MAGI2: variants seen among roughly 807,000 people sequenced by gnomAD.
The protein encoded by MAGI2 is membrane associated guanylate kinase, WW and PDZ domain containing 2, also known as membrane-associated guanylate kinase, WW and PDZ domain-containing protein 2.
In MAGI2, 35 loss-of-function variants were observed where a neutral mutation model predicts 133.3. The ratio of observed to expected loss-of-function variants is 0.26; its 90% CI spans 0.20 to 0.35. The LOEUF is 0.35. Ranked by LOEUF, MAGI2 falls within the 10% of genes least tolerant of loss-of-function variation. The probability of loss-of-function intolerance (pLI) is 1.00; values close to 1 mark genes in which losing one functional copy is unlikely to be tolerated. For missense variants in MAGI2, 1,636 were observed against 1,863.4 expected, an observed-to-expected ratio of 0.88 and a Z score of 2.25; for synonymous variants, 729 against 710.6, an observed-to-expected ratio of 1.03 and a Z score of -0.41.
chr7:79,177,867 C>T (rs1043234443), intron 1 of MAGI2, among the ~76,000 whole-genome samples: 6 of 152,024 alleles, frequency 3.9e-5, no homozygotes, highest in African/African-American at 1.5e-4. Context: ...AGGTCAGCCA[C>T]GTTTTGTAAT....
chr7:79,299,999 G>A (rs1163734780), intron 1 of MAGI2, among the ~76,000 whole-genome samples: 1 of 152,114 alleles, frequency 6.6e-6, no homozygotes, highest in Non-Finnish European at 1.5e-5. Flanking sequence ...CTGTCACTAT[G>A]CTTCCTATAT....
chr7:78,939,700 T>G (rs1190812267), intron 2 of MAGI2: 1 of 152,186 alleles, frequency 6.6e-6, no homozygotes, highest in Non-Finnish European at 1.5e-5. Context: ...GATGGGGATC[T>G]CTCAATGGGA....
At chr7:78,988,714 G>T (rs1419006882) in intron 2 of MAGI2, among the ~76,000 whole-genome samples, 1 of 152,050 alleles carries the variant, frequency 6.6e-6, no homozygotes, top group African/African-American at 2.4e-5. Flanking sequence ...AACCTCTATA[G>T]CCCCATAATT....
intron 1 of MAGI2, among the ~76,000 whole-genome samples, chr7:79,383,961 T>C (rs1843996120): frequency 6.6e-6 from 1 of 151,476 alleles, no homozygotes; most frequent in Non-Finnish European, 1.5e-5. Flanking sequence ...ATAAATGTTA[T>C]AAATATATTC....
chr7:78,795,777 C>T (rs938323460), intron 2 of MAGI2, among the ~76,000 whole-genome samples: 28 of 152,014 alleles, frequency 1.8e-4, no homozygotes, highest in African/African-American at 4.6e-4. Context: ...GGCATGGTAC[C>T]GGCATAAAAA....
chr7:79,142,438 G>C (rs1354452596), intron 1 of MAGI2, among the ~76,000 whole-genome samples: 1 of 152,138 alleles, frequency 6.6e-6, no homozygotes, highest in Non-Finnish European at 1.5e-5. Flanking sequence ...AGGAAAAAAT[G>C]CTTCTAAACT....
chr7:78,378,113 T>A (rs1794614199), intron 6 of MAGI2, among the ~76,000 whole-genome samples: 1 of 151,790 alleles, frequency 6.6e-6, no homozygotes, highest in Non-Finnish European at 1.5e-5. Context: ...TTTAAAAAAA[T>A]CTGAAATGAC....
At chr7:79,065,598 C>T (rs1814225607) in intron 1 of MAGI2, among the ~76,000 whole-genome samples, 1 of 152,046 alleles carries the variant, frequency 6.6e-6, no homozygotes, top group African/African-American at 2.4e-5. Flanking sequence ...TTTTCAGGTA[C>T]ATGTGCAGAA....
At chr7:79,004,386 A>G (rs1185380263) in intron 2 of MAGI2, among the ~76,000 whole-genome samples, 1 of 152,226 alleles carries the variant, frequency 6.6e-6, no homozygotes, top group Non-Finnish European at 1.5e-5. Flanking sequence ...GTTCTTACTC[A>G]TATGTTGGAG....
chr7:79,048,605 A>G (rs1812387539), intron 1 of MAGI2, among the ~76,000 whole-genome samples: 1 of 152,182 alleles, frequency 6.6e-6, no homozygotes, highest in East Asian at 1.9e-4. Context: ...GAAAAGCTCT[A>G]TGTTCTAATT....
intron 2 of MAGI2, among the ~76,000 whole-genome samples, chr7:78,861,259 A>G (rs577674859): frequency 3.9e-5 from 6 of 152,270 alleles, no homozygotes; most frequent in African/African-American, 1.4e-4. Flanking sequence ...CAGTGAGATG[A>G]ACCCAGTACC....
At chr7:79,224,816 G>C (rs1396483586) in intron 1 of MAGI2, among the ~76,000 whole-genome samples, 1 of 152,172 alleles carries the variant, frequency 6.6e-6, no homozygotes, top group African/African-American at 2.4e-5. Context: ...ACTGAGGTAG[G>C]GGTAGGGCAT....
At chr7:78,609,647 C>T (rs1244139192) in intron 3 of MAGI2, among the ~76,000 whole-genome samples, 2 of 152,136 alleles carry the variant, frequency 1.3e-5, no homozygotes, top group African/African-American at 4.8e-5. Flanking sequence ...TTCTACTACC[C>T]ACCCAAACCT....
chr7:79,373,155 G>T (rs1410421464), intron 1 of MAGI2, among the ~76,000 whole-genome samples: 1 of 151,946 alleles, frequency 6.6e-6, no homozygotes, highest in Non-Finnish European at 1.5e-5. Context: ...GGAACAATCT[G>T]CAGATATTAC....
intron 1 of MAGI2, among the ~76,000 whole-genome samples, chr7:79,094,220 A>C (rs1817329876): frequency 6.6e-6 from 1 of 152,186 alleles, no homozygotes; most frequent in Non-Finnish European, 1.5e-5. Flanking sequence ...AAAAATGTTC[A>C]CAGCATCTTC....
At chr7:79,246,035 C>T (rs1007351759) in intron 1 of MAGI2, among the ~76,000 whole-genome samples, 1 of 152,196 alleles carries the variant, frequency 6.6e-6, no homozygotes, top group African/African-American at 2.4e-5. Flanking sequence ...AGGGCAGTAA[C>T]ATATAGACCA....
intron 6 of MAGI2, among the ~76,000 whole-genome samples, chr7:78,397,643 T>G (rs1796478476): frequency 1.3e-5 from 2 of 152,186 alleles, no homozygotes; most frequent in East Asian, 3.9e-4. Context: ...GAAACCTGAG[T>G]TAGGGCTCAG....
chr7:79,113,042 C>T (rs532600497), intron 1 of MAGI2, among the ~76,000 whole-genome samples: 2 of 152,288 alleles, frequency 1.3e-5, no homozygotes, highest in African/African-American at 4.8e-5. Flanking sequence ...GTATAATTTA[C>T]AATGCAGAGT....
At chr7:79,062,171 G>A (rs1261166331) in intron 1 of MAGI2, among the ~76,000 whole-genome samples, 1 of 151,796 alleles carries the variant, frequency 6.6e-6, no homozygotes, top group East Asian at 1.9e-4. Context: ...CATACTACTG[G>A]CCCATGATTA....
Sources: gnomAD v4.1 joint callset for allele counts (sites outside exome capture counted in the v4.1 genomes callset) on GRCh38, gnomAD v4.1.1 for gene constraint, MANE v1.5 for transcripts, NCBI Gene and HGNC (gene_info 2026-07-23, HGNC 2026-07-21) for gene names.